NEDD4L: variants seen among roughly 807,000 people sequenced by gnomAD.
The protein encoded by NEDD4L is NEDD4 like E3 ubiquitin protein ligase.
In NEDD4L, 54 loss-of-function variants were observed where a neutral mutation model predicts 148.9. The observed-to-expected ratio is 0.36, with a 90% CI of 0.29 to 0.45. NEDD4L has a LOEUF of 0.45. NEDD4L is among the 20% of genes least tolerant of loss of function. NEDD4L has a pLI of 1.00. For missense variants in NEDD4L, 856 were observed against 1,233.8 expected, an observed-to-expected ratio of 0.69 and a Z score of 4.59; for synonymous variants, 433 against 440.7, an observed-to-expected ratio of 0.98 and a Z score of 0.22.
chr18:58,285,573 T>C (rs1429522934), intron 5 of NEDD4L, among the ~76,000 whole-genome samples: 1 of 152,188 alleles, frequency 6.6e-6, no homozygotes, highest in East Asian at 1.9e-4. Context: ...AGGCTTATTA[T>C]CGTTTAAACT....
chr18:58,349,668 G>A (rs1748833023), intron 17 of NEDD4L, 54 bp downstream of exon 17: 16 of 1,382,314 alleles, frequency 1.2e-5, no homozygotes, highest in East Asian at 6.9e-5. Context: ...TCCTTTATCC[G>A]CTCAATGTTG....
chr18:58,103,993 C>T (rs1423993880), intron 1 of NEDD4L, among the ~76,000 whole-genome samples: 2 of 152,208 alleles, frequency 1.3e-5, no homozygotes, highest in Non-Finnish European at 2.9e-5. Context: ...TTCAAACTTA[C>T]GGCTCCTAGC....
In NEDD4L at chr18:58,370,837, TG is replaced by T. The variant is rs576087007; in HGVS notation, c.2256+371del. ...CTTCATCCGCTCTCCCTCTGTTTCCTGACATCATAAAAATGGCAGAGGCAAA... is the reference window on the plus strand; with the variant it reads ...CTTCATCCGCTCTCCCTCTGTTTCCTACATCATAAAAATGGCAGAGGCAAA... On this transcript the variant is annotated intron_variant, in intron 23 of 30. Transcript: ENST00000400345. Among the ~76,000 whole-genome samples, 152 of 152,282 alleles carry T rather than the reference TG, an allele frequency of 1.0e-3. 1 individual carries two copies. Among genetic ancestry groups the T allele is most frequent in the African/African-American group, 3.5e-3 (146 of 41,564 alleles).
At position 58,044,510 on chromosome 18, in the gene NEDD4L, C is replaced by T. The variant is rs1416153827; in HGVS notation, c.-151C>T. 2 of 1,115,380 alleles carry T rather than the reference C, an allele frequency of 1.8e-6. No individual in the cohort carries two copies. Among genetic ancestry groups the T allele is most frequent in the Non-Finnish European group, 2.3e-6 (2 of 871,182 alleles). The allele number at this position is 1,115,380 out of a possible 1,614,324, so 69.1% of individuals were successfully genotyped here. On this transcript the variant is annotated 5_prime_UTR_variant, in exon 1 of 31. Transcript: ENST00000400345. ...TCCAGGGCGCGCTCTCGGGCACCCT[C>T]ACCTGCCGGCGCCCGGCCGCTTACC...
chr18:58,353,699 TG>T (rs1439410932), intron 18 of NEDD4L, among the ~76,000 whole-genome samples: 1 of 152,254 alleles, frequency 6.6e-6, no homozygotes, highest in African/African-American at 2.4e-5. Context: ...TTGAATTACC[TG>T]GAAGATAACA....
chr18:58,207,967 CAG>C (rs751089430), intron 2 of NEDD4L, among the ~76,000 whole-genome samples: 39 of 152,218 alleles, frequency 2.6e-4, no homozygotes, highest in Non-Finnish European at 4.9e-4. Context: ...GGCAGAGAAT[CAG>C]GGGGCGGAGG....
chr18:58,303,057 G>GCAGCCCTGCT (rs2056682090), intron 5 of NEDD4L, among the ~76,000 whole-genome samples: 1 of 152,228 alleles, frequency 6.6e-6, no homozygotes, highest in Non-Finnish European at 1.5e-5. Flanking sequence ...TCAGCACTGG[G>GCAGCCCTGCT]CAGCCCTGCT....
At chr18:58,124,437 T>A (rs1193788827) in intron 1 of NEDD4L, among the ~76,000 whole-genome samples, 1 of 152,218 alleles carries the variant, frequency 6.6e-6, no homozygotes, top group Non-Finnish European at 1.5e-5. Flanking sequence ...CCTCTGCTTC[T>A]CCGCCTCCAA....
Position 58,204,259 on chromosome 18 carries a change from C to A in NEDD4L, c.122+38398C>A. On this transcript the variant is annotated intron_variant, in intron 2 of 30. Transcript: ENST00000400345. ...AGGAGAATTGCTTGAACCTGGGAAGCGGAGGTTGCAGTCAGCCAAGATTGC... is the reference window on the plus strand; with the variant it reads ...AGGAGAATTGCTTGAACCTGGGAAGAGGAGGTTGCAGTCAGCCAAGATTGC... Among the ~76,000 whole-genome samples, 2 of 151,934 alleles carry A rather than the reference C, an allele frequency of 1.3e-5. 1 individual carries two copies. Among genetic ancestry groups the A allele is most frequent in the South Asian group, 4.2e-4 (2 of 4,816 alleles).
chr18:58,322,438 C>T lies in NEDD4L; in HGVS notation c.362C>T (p.Thr121Ile). 6.2e-7 allele frequency: 1 copy of T among 1,610,544 alleles called. No homozygotes were observed. The highest frequency in any genetic ancestry group is 1.3e-5 in the African/African-American group (1 of 75,000). Residue 121 changes from threonine to isoleucine, a missense_variant, in exon 7 of 31, where the codon ACC becomes ATC. Coordinates refer to ENST00000400345, the MANE Select transcript of NEDD4L (RefSeq NM_001144967.3). ...TTTTCCCCACAGACAGAAGATCCAA[C>T]CATGGAGCGACCCTATACATTTAAG... Reference protein sequence around the residue: ...PLSHLPTEDPTMERPYTFKDF... With the variant: ...PLSHLPTEDPIMERPYTFKDF...
rs903790890 is a variant in NEDD4L, at chr18:58,114,828, G to A, written c.49-50960G>A. On this transcript the variant is annotated intron_variant, in intron 1 of 30. Coordinates refer to ENST00000400345, the MANE Select transcript of NEDD4L (RefSeq NM_001144967.3). Reference sequence around the variant, plus strand: ...AGCTCATTGTCCCCTCCCTGCGTTTGCAAAGCCAGCAGAGTAGCATCTCTG... The same window carrying A: ...AGCTCATTGTCCCCTCCCTGCGTTTACAAAGCCAGCAGAGTAGCATCTCTG... 2.0e-5 allele frequency among the ~76,000 whole-genome samples: 3 copies of A among 152,184 alleles called. 1 individual carries two copies. Among genetic ancestry groups the A allele is most frequent in the Non-Finnish European group, 4.4e-5 (3 of 68,024 alleles).
chr18:58,069,569 AAGC>A (rs1831936323), intron 1 of NEDD4L, among the ~76,000 whole-genome samples: 1 of 152,218 alleles, frequency 6.6e-6, no homozygotes, highest in African/African-American at 2.4e-5. Flanking sequence ...GTTGTTAAAA[AAGC>A]AGCAGTCTCT....
chr18:58,138,024 C>A (rs957706731), intron 1 of NEDD4L, among the ~76,000 whole-genome samples: 1 of 152,210 alleles, frequency 6.6e-6, no homozygotes, highest in Non-Finnish European at 1.5e-5. Context: ...CTGACCTGGG[C>A]AGGGCCCCGG....
chr18:58,386,056 A>T (rs1466854287), intron 26 of NEDD4L, among the ~76,000 whole-genome samples: 1 of 151,338 alleles, frequency 6.6e-6, no homozygotes, highest in Non-Finnish European at 1.5e-5. Context: ...TGATTGATTG[A>T]TTGATTGATT....
rs181889083 is a variant in NEDD4L, at chr18:58,285,910, C to T, written c.298-30072C>T. 2.3e-3 allele frequency among the ~76,000 whole-genome samples: 351 copies of T among 152,298 alleles called. 1 individual carries two copies. Among genetic ancestry groups the T allele is most frequent in the African/African-American group, 7.6e-3 (316 of 41,554 alleles). On this transcript the variant is annotated intron_variant, in intron 5 of 30. Transcript: ENST00000400345. The stretch of plus-strand genomic sequence containing the variant: ...GTTCAGCAAGCTGTTATCTTGCTTA[C>T]GCAATGAATAGAACATTATGTTCTA...
At chr18:58,323,371 A>G in intron 8 of NEDD4L, 37 bp downstream of exon 8, 2 of 1,035,572 alleles carry the variant, frequency 1.9e-6, no homozygotes, top group Non-Finnish European at 3.0e-6. Flanking sequence ...CCTTGCCTTG[A>G]GATCATATTC....
At chr18:58,161,916 A>G (rs1438343778) in intron 1 of NEDD4L, among the ~76,000 whole-genome samples, 1 of 152,168 alleles carries the variant, frequency 6.6e-6, no homozygotes, top group African/African-American at 2.4e-5. Flanking sequence ...GACTGCACCT[A>G]ACTACAAGGA....
intron 2 of NEDD4L, among the ~76,000 whole-genome samples, chr18:58,208,127 C>G (rs977233408): frequency 6.6e-6 from 1 of 152,158 alleles, no homozygotes; most frequent in Non-Finnish European, 1.5e-5. Flanking sequence ...CAAAGAGTTC[C>G]TGTTCTAATG....
At position 58,341,109 on chromosome 18, in the gene NEDD4L, G is replaced by A. The variant is rs368597288; in HGVS notation, c.1197G>A (p.Gly399=). The A allele has an allele frequency of 2.1e-4, 345 of 1,612,214 alleles. No homozygotes were observed. The highest frequency in any genetic ancestry group is 1.0e-3 in the Admixed American group (60 of 59,870). ...GGGAAGAAAGAAAAGATGCTAAGGG[G>A]CGCACATACTATGTCAATCATAACA... The part of the protein sequence containing the change: ...SGWEERKDAK[G]RTYYVNHNNR... Residue 399 remains glycine (G), a synonymous_variant, in exon 14 of 31, where the codon GGG becomes GGA. Coordinates refer to ENST00000400345, the MANE Select transcript of NEDD4L (RefSeq NM_001144967.3).
Sources: allele counts gnomAD v4.1 joint callset (sites outside exome capture counted in the v4.1 genomes callset), GRCh38; gene constraint gnomAD v4.1.1; transcripts MANE v1.5; gene names NCBI Gene and HGNC (gene_info 2026-07-23, HGNC 2026-07-21).